The following GPC3 variants were observed in gnomAD, a reference collection of about 807,000 sequenced individuals.
GPC3 encodes glypican 3.
GPC3 carries 3 observed loss-of-function variants against 34.4 expected under a neutral mutation model. That is an observed-to-expected ratio of 0.09 (90% CI 0.04 to 0.23). The LOEUF is 0.23. Among genes scored for constraint, GPC3 ranks in the 10% least tolerant of loss-of-function variants. The probability of loss-of-function intolerance (pLI) is 1.00; values close to 1 mark genes in which losing one functional copy is unlikely to be tolerated. For missense variants in GPC3, 351 were observed against 445.6 expected (o/e 0.79, Z 1.91); for synonymous variants, 177 against 174.0 (o/e 1.02, Z -0.13).
At chrX:133,608,196 G>A (rs954903532) in intron 6 of GPC3, among the ~76,000 whole-genome samples, 1 of 112,812 alleles carries the variant, frequency 8.9e-6, no homozygotes, top group Non-Finnish European at 1.9e-5. Context: ...GCACCCTTGC[G>A]GGCCACCAAG....
chrX:133,698,692 T>C (rs2071138210), intron 4 of GPC3, among the ~76,000 whole-genome samples: 1 of 111,783 alleles, frequency 8.9e-6, no homozygotes, highest in African/African-American at 3.3e-5. Context: ...TATATTTTTC[T>C]GGACAGTGTG....
In GPC3 at chrX:133,687,633, G is replaced by T. The variant is rs1355677580; in HGVS notation, c.1292+4736C>A. 3.7e-5 allele frequency among the ~76,000 whole-genome samples: 4 copies of T among 107,271 alleles called. No individual in the cohort carries two copies. In the East Asian group the frequency reaches 1.2e-3, roughly 32 times the overall value. The allele number at this position is 107,271 out of a possible 115,157, so 93.2% of individuals were successfully genotyped here. A position where few individuals can be genotyped will look rare whatever the true frequency, so the allele number is the denominator to read the frequency against. Reference sequence around the variant, plus strand: ...AGTAGAGATGGGGTTTCACTATATTGGCCAGGCTGGTCTCGAACTCCTGAA... The same window carrying T: ...AGTAGAGATGGGGTTTCACTATATTTGCCAGGCTGGTCTCGAACTCCTGAA... On this transcript the variant is annotated intron_variant, in intron 5 of 7. Transcript: ENST00000370818.
intron 3 of GPC3, among the ~76,000 whole-genome samples, chrX:133,751,708 G>A (rs1431375812): frequency 1.8e-5 from 2 of 111,914 alleles, no homozygotes; most frequent in Non-Finnish European, 3.8e-5. Context: ...CAGTTGCACT[G>A]TATAGATGCT....
chrX:133,557,874 G>A (rs905709761), intron 7 of GPC3, among the ~76,000 whole-genome samples: 14 of 111,341 alleles, frequency 1.3e-4, no homozygotes, highest in African/African-American at 4.6e-4. Context: ...AAATCAAAAT[G>A]AGCAAACTGT....
At chrX:133,732,819 T>C (rs889253957) in intron 3 of GPC3, among the ~76,000 whole-genome samples, 2 of 111,892 alleles carry the variant, frequency 1.8e-5, no homozygotes, top group African/African-American at 6.5e-5. Flanking sequence ...TTCAGTTCTT[T>C]GGAGGCAATC....
chrX:133,944,405 A>G (rs2076358678), intron 2 of GPC3, among the ~76,000 whole-genome samples: 1 of 112,151 alleles, frequency 8.9e-6, no homozygotes, highest in Admixed American at 9.5e-5. Flanking sequence ...TAAGCATTCC[A>G]ATTTCCTTTC....
intron 3 of GPC3, among the ~76,000 whole-genome samples, chrX:133,703,768 AT>A (rs2087543810): frequency 8.9e-6 from 1 of 112,007 alleles, no homozygotes; most frequent in South Asian, 3.7e-4. Flanking sequence ...CCAGGAAGAC[AT>A]TTTAGTAACC....
At chrX:133,844,204 G>T (rs2075837829) in intron 2 of GPC3, among the ~76,000 whole-genome samples, 1 of 112,082 alleles carries the variant, frequency 8.9e-6, no homozygotes, top group South Asian at 3.7e-4. Context: ...AATAAGTTCT[G>T]TGAATCTAAT....
chrX:133,568,854 T>C (rs1388739506), intron 7 of GPC3, among the ~76,000 whole-genome samples: 1 of 111,283 alleles, frequency 9.0e-6, no homozygotes, highest in Non-Finnish European at 1.9e-5. Flanking sequence ...TCAGCTGGAC[T>C]ATGTGAGAAG....
intron 3 of GPC3, among the ~76,000 whole-genome samples, chrX:133,739,784 G>C (rs1229629026): frequency 8.9e-6 from 1 of 112,324 alleles, no homozygotes; most frequent in Non-Finnish European, 1.9e-5. Context: ...GGCAAGGGGT[G>C]AGGTGGGAGG....
intron 3 of GPC3, among the ~76,000 whole-genome samples, chrX:133,752,712 C>T (rs1028416580): frequency 3.6e-5 from 4 of 112,185 alleles, no homozygotes; most frequent in Admixed American, 2.8e-4. Flanking sequence ...TCCTCCATCA[C>T]GAATTTCATC....
intron 7 of GPC3, among the ~76,000 whole-genome samples, chrX:133,593,092 G>A (rs974109326): frequency 2.7e-5 from 3 of 110,354 alleles, no homozygotes; most frequent in African/African-American, 6.6e-5. Flanking sequence ...TTGGGAGGCC[G>A]AGGCAGGCGG....
intron 2 of GPC3, among the ~76,000 whole-genome samples, chrX:133,904,176 T>C (rs2076158085): frequency 1.8e-5 from 2 of 112,259 alleles, no homozygotes; most frequent in Non-Finnish European, 3.8e-5. Context: ...TCATACGTAA[T>C]GAGAGAGCTT....
At chrX:133,824,805 C>T (rs775377411) in intron 2 of GPC3, among the ~76,000 whole-genome samples, 3 of 112,358 alleles carry the variant, frequency 2.7e-5, no homozygotes, top group South Asian at 7.4e-4. Context: ...AAAAAAATTG[C>T]TCTCCATAAA....
At chrX:133,937,379 A>G (rs146414582) in intron 2 of GPC3, among the ~76,000 whole-genome samples, 51 of 111,629 alleles carry the variant, frequency 4.6e-4, no homozygotes, top group African/African-American at 1.6e-3. Flanking sequence ...ATTGGTGTCA[A>G]TAGAAATAGA....
chrX:133,687,463 C>T (rs2071021022), intron 5 of GPC3, among the ~76,000 whole-genome samples: 1 of 92,727 alleles, frequency 1.1e-5, no homozygotes, highest in Non-Finnish European at 2.1e-5. Flanking sequence ...ATGATCTCAG[C>T]TCACTGCAAC....
chrX:133,985,176 C>G, intron 1 of GPC3, 99 bp downstream of exon 1: 2 of 956,199 alleles, frequency 2.1e-6, no homozygotes, highest in Non-Finnish European at 2.9e-6. Context: ...GCAGGGCGCA[C>G]GACTACAGCC....
intron 2 of GPC3, among the ~76,000 whole-genome samples, chrX:133,902,105 G>T (rs1012778686): frequency 2.7e-5 from 3 of 112,216 alleles, no homozygotes; most frequent in Middle Eastern, 4.6e-3. Flanking sequence ...CTAAATAAAA[G>T]AATCTGCTTT....
chrX:133,813,117 T>C (rs2075673157), intron 2 of GPC3, among the ~76,000 whole-genome samples: 1 of 112,607 alleles, frequency 8.9e-6, no homozygotes. Flanking sequence ...GTTTTTGACT[T>C]TACAAATCTT....
Sources: gnomAD v4.1 joint callset for allele counts (sites outside exome capture counted in the v4.1 genomes callset) on GRCh38, gnomAD v4.1.1 for gene constraint, MANE v1.5 for transcripts, NCBI Gene and HGNC (gene_info 2026-07-23, HGNC 2026-07-21) for gene names.